NDUFAF5: variants seen among roughly 807,000 people sequenced by gnomAD.
NDUFAF5 encodes the protein NADH:ubiquinone oxidoreductase complex assembly factor 5, also known as arginine-hydroxylase NDUFAF5, mitochondrial.
Under a neutral mutation model 48.9 loss-of-function variants are expected in NDUFAF5, and 34 were observed. The observed-to-expected ratio is 0.70, with a 90% confidence interval of 0.53 to 0.93. NDUFAF5 has a LOEUF of 0.93. Among genes scored for constraint, NDUFAF5 ranks in the 40% least tolerant of loss-of-function variants. The probability of loss-of-function intolerance (pLI) is 0.00; values close to 1 mark genes in which losing one functional copy is unlikely to be tolerated. For synonymous variants in NDUFAF5, 153 were observed against 150.6 expected, an observed-to-expected ratio of 1.02 and a Z score of -0.12; for missense variants, 428 against 427.5, an observed-to-expected ratio of 1.00 and a Z score of -0.01.
chr20:13,799,030 A>G (rs1342931186), intron 6 of NDUFAF5, among the ~76,000 whole-genome samples: 1 of 152,188 alleles, frequency 6.6e-6, no homozygotes, highest in African/African-American at 2.4e-5. Flanking sequence ...CTTAGAGGGT[A>G]GGTAAAGTTT....
intron 7 of NDUFAF5, among the ~76,000 whole-genome samples, chr20:13,807,760 G>A (rs1398871457): frequency 2.6e-5 from 4 of 151,498 alleles, no homozygotes; most frequent in African/African-American, 7.3e-5. Flanking sequence ...TGGCTAACAC[G>A]GTGAAAGCCC....
At chr20:13,797,699 C>A (rs1241756498) in intron 5 of NDUFAF5, among the ~76,000 whole-genome samples, 1 of 152,098 alleles carries the variant, frequency 6.6e-6, no homozygotes, top group African/African-American at 2.4e-5. Context: ...TTAGAATATA[C>A]AACACCAAAA....
chr20:13,791,705 G>A (rs1982304230), intron 3 of NDUFAF5, among the ~76,000 whole-genome samples: 1 of 152,162 alleles, frequency 6.6e-6, no homozygotes. Flanking sequence ...ATAGAGCCAG[G>A]CCTCACAAGA....
intron 10 of NDUFAF5, 49 bp downstream of exon 10, chr20:13,817,006 T>G (rs1345359865): frequency 6.4e-7 from 1 of 1,550,802 alleles, no homozygotes; most frequent in Non-Finnish European, 8.9e-7. Context: ...CGTGTTCAGA[T>G]TATTGTTTAC....
Position 13,787,085 on chromosome 20 carries a change from A to G in NDUFAF5, c.223-227A>G, listed in dbSNP as rs138395300. On this transcript the variant is annotated intron_variant, in intron 1 of 10. Transcript: ENST00000378106. ...TATATATGTGTGTGTGTGTGTGTGT[A>G]TATGTATATTTTTAAGAATATTTAG... 2.2e-3 allele frequency: 1,208 copies of G among 551,144 alleles called. 1 individual carries two copies. The highest frequency in any genetic ancestry group is 0.014 in the African/African-American group (748 of 51,748). 34.1% of individuals were successfully genotyped at this position (551,144 alleles called of 1,614,324 possible). A position where few individuals can be genotyped will look rare whatever the true frequency, so the allele number is the denominator to read the frequency against.
rs1355628802 is a variant in NDUFAF5, at chr20:13,817,124, C to T, written c.952C>T (p.Pro318Ser). Residue 318 changes from proline to serine, a missense_variant, in exon 11 of 11, where the codon CCA (proline) becomes TCA (serine). Physicochemically the swap from Pro to Ser is moderately conservative, Grantham distance 74. Transcript: ENST00000378106. Reference protein sequence around the residue: ...GWKYHESQARPAERGSATVSF... With the variant: ...GWKYHESQARSAERGSATVSF... ...TAATCTTTATTATTTTCAGGCAAGACCAGCTGAAAGAGGTTCCGCAACTGT... is the reference window on the plus strand; with the variant it reads ...TAATCTTTATTATTTTCAGGCAAGATCAGCTGAAAGAGGTTCCGCAACTGT... 2 of 1,613,324 alleles carry T rather than the reference C, an allele frequency of 1.2e-6. No homozygotes were observed. Among genetic ancestry groups the T allele is most frequent in the Admixed American group, 3.3e-5 (2 of 60,004 alleles).
At chr20:13,809,118 GAT>G (rs1458303276) in intron 8 of NDUFAF5, 21 of 572,188 alleles carry the variant, frequency 3.7e-5, no homozygotes, top group Middle Eastern at 2.8e-4. Context: ...CTGTCACAGA[GAT>G]AAGTGTTAAA....
intron 5 of NDUFAF5, among the ~76,000 whole-genome samples, chr20:13,795,607 C>T (rs563301655): frequency 2.0e-5 from 3 of 152,232 alleles, no homozygotes; most frequent in South Asian, 4.1e-4. Context: ...CTGCTTGAAC[C>T]CAGGAGTTCG....
At chr20:13,811,702 A>C (rs573434255) in intron 8 of NDUFAF5, among the ~76,000 whole-genome samples, 1 of 152,258 alleles carries the variant, frequency 6.6e-6, no homozygotes, top group Non-Finnish European at 1.5e-5. Context: ...TGCAAAATAT[A>C]TGCAAAAATA....
intron 7 of NDUFAF5, among the ~76,000 whole-genome samples, chr20:13,805,546 G>A (rs1419626276): frequency 6.6e-6 from 1 of 151,906 alleles, no homozygotes; most frequent in African/African-American, 2.4e-5. Flanking sequence ...CAATTAGAAA[G>A]TTGCTGATTT....
Position 13,818,316 on chromosome 20 carries a change from AAAAG to A in NDUFAF5, c.*1110_*1113del, listed in dbSNP as rs775779342. 55 of 433,346 alleles carry A rather than the reference AAAAG, an allele frequency of 1.3e-4. No individual in the cohort carries two copies. The highest frequency in any genetic ancestry group is 4.5e-4 in the South Asian group (27 of 60,650). 26.8% of individuals were successfully genotyped at this position (433,346 alleles called of 1,614,324 possible). A position where few individuals can be genotyped will look rare whatever the true frequency, so the allele number is the denominator to read the frequency against. On this transcript the variant is annotated 3_prime_UTR_variant, in exon 11 of 11. Transcript: ENST00000378106. ...GTTAAAAACCAAGATTTGTAGGAGA[AAAAG>A]AAATTATTGTTCCCTTCAGTTTGAA...
Position 13,818,732 on chromosome 20 carries a change from CAT to C in NDUFAF5, c.*1523_*1524del, listed in dbSNP as rs914620716. On this transcript the variant is annotated 3_prime_UTR_variant, in exon 11 of 11. Transcript: ENST00000378106. ...CCAGGGGTCTATATTTCCAAAAGGACATGTGTTTTTGTGCACTAATACTTGTT... is the reference window on the plus strand; with the variant it reads ...CCAGGGGTCTATATTTCCAAAAGGACGTGTTTTTGTGCACTAATACTTGTT... The C allele has an allele frequency of 2.0e-4, 33 of 163,108 alleles. No individual in the cohort carries two copies. The highest frequency in any genetic ancestry group is 1.2e-3 in the South Asian group (7 of 6,076). The allele number at this position is 163,108 out of a possible 1,614,324, so 10.1% of individuals were successfully genotyped here.
At chr20:13,816,743 T>G in intron 9 of NDUFAF5, 132 bp from the exon 10 acceptor site, 2 of 765,242 alleles carry the variant, frequency 2.6e-6, no homozygotes, top group Non-Finnish European at 4.6e-6. Flanking sequence ...TTAAGAATTT[T>G]TCATGTAAGA....
chr20:13,787,462 C>T (rs1981384025), intron 2 of NDUFAF5, 110 bp downstream of exon 2: 1 of 997,742 alleles, frequency 1.0e-6, no homozygotes, highest in East Asian at 2.4e-5. Flanking sequence ...AGAATTTACT[C>T]AGACTGGTGA....
At position 13,785,310 on chromosome 20, in the gene NDUFAF5, G is replaced by A; in HGVS notation, c.222+20G>A. The A allele has an allele frequency of 6.3e-7, 1 of 1,575,112 alleles. No individual in the cohort carries two copies. The highest frequency in any genetic ancestry group is 1.1e-5 in the South Asian group (1 of 87,994). ...GAGGAGGTGAGCCCGCGGGGCGGCG[G>A]GGCGGCGGGGCGGGCGACGCGGAGG... is the stretch of plus-strand genomic sequence containing the variant. On this transcript the variant is annotated intron_variant, in intron 1 of 10. Transcript: ENST00000378106.
In NDUFAF5 at chr20:13,818,660, A is replaced by G. The variant is rs1171255117; in HGVS notation, c.*1450A>G. 2 of 172,518 alleles carry G rather than the reference A, an allele frequency of 1.2e-5. No individual in the cohort carries two copies. The highest frequency in any genetic ancestry group is 1.1e-4 in the Admixed American group (2 of 17,768). The allele number at this position is 172,518 out of a possible 1,614,324, so 10.7% of individuals were successfully genotyped here. A position where few individuals can be genotyped will look rare whatever the true frequency, so the allele number is the denominator to read the frequency against. ...TCATCTAAAGAAAAATCCACCAAAA[A>G]CCCTGTGTTTTAAAGTGCAAACTGA... On this transcript the variant is annotated 3_prime_UTR_variant, in exon 11 of 11. Transcript: ENST00000378106.
chr20:13,790,187 G>A (rs1982044881), intron 3 of NDUFAF5, among the ~76,000 whole-genome samples: 1 of 152,108 alleles, frequency 6.6e-6, no homozygotes, highest in Non-Finnish European at 1.5e-5. Flanking sequence ...TGTGTTAAAG[G>A]CATTGCAGGC....
At chr20:13,810,257 C>T (rs2147601513) in intron 8 of NDUFAF5, among the ~76,000 whole-genome samples, 1 of 152,248 alleles carries the variant, frequency 6.6e-6, no homozygotes, top group South Asian at 2.1e-4. Context: ...GAAGGAGTAG[C>T]CAGCAAGGTG....
At position 13,819,451 on chromosome 20, in the gene NDUFAF5, C is replaced by T. The variant is rs919592961; in HGVS notation, c.*2241C>T. ...TGGCGCAATCTCGGCTCACTGCTGC[C>T]TCCGCTTCCTGGGTTCAAGTGATTC... On this transcript the variant is annotated 3_prime_UTR_variant, in exon 11 of 11. Transcript: ENST00000378106. 1.3e-5 allele frequency: 2 copies of T among 152,220 alleles called. No homozygotes were observed. The highest frequency in any genetic ancestry group is 6.5e-5 in the Admixed American group (1 of 15,292). 9.4% of individuals were successfully genotyped at this position (152,220 alleles called of 1,614,324 possible).
Sources: gnomAD v4.1 joint callset for allele counts (sites outside exome capture counted in the v4.1 genomes callset) on GRCh38, gnomAD v4.1.1 for gene constraint, MANE v1.5 for transcripts, NCBI Gene and HGNC (gene_info 2026-07-23, HGNC 2026-07-21) for gene names.